Variants in GUCY2F observed in about 807,000 individuals in gnomAD.
The protein encoded by GUCY2F is retinal guanylyl cyclase 2.
GUCY2F carries 61 observed loss-of-function variants against 73.1 expected under a neutral mutation model. The ratio of observed to expected loss-of-function variants is 0.83; its 90% CI spans 0.68 to 1.03. The LOEUF is 1.03. GUCY2F is among the 50% of genes least tolerant of loss of function. The pLI is 0.00. For missense variants in GUCY2F, 912 were observed against 854.3 expected, an observed-to-expected ratio of 1.07 and a Z score of -0.84; for synonymous variants, 331 against 307.8, an observed-to-expected ratio of 1.08 and a Z score of -0.79.
intron 2 of GUCY2F, among the ~76,000 whole-genome samples, chrX:109,470,122 T>C (rs753037181): frequency 1.8e-5 from 2 of 112,053 alleles, no homozygotes; most frequent in African/African-American, 3.2e-5. Flanking sequence ...AATGTTGCCT[T>C]AACATTGCTG....
At chrX:109,470,448 A>G (rs1932551445) in intron 2 of GUCY2F, among the ~76,000 whole-genome samples, 1 of 112,072 alleles carries the variant, frequency 8.9e-6, no homozygotes, top group Non-Finnish European at 1.9e-5. Context: ...TCAGTATAGG[A>G]AAACAGGGCT....
At position 109,388,467 on chromosome X, in the gene GUCY2F, TCTTA is replaced by T; in HGVS notation, c.2956+18_2956+21del. 4.4e-6 allele frequency: 5 copies of T among 1,148,242 alleles called. No individual in the cohort carries two copies. Among genetic ancestry groups the T allele is most frequent in the Non-Finnish European group, 5.9e-6 (5 of 841,166 alleles). 94.6% of individuals were successfully genotyped at this position (1,148,242 alleles called of 1,213,427 possible). ...CCTAGAGGCGCATTAGAATGTTTCC[TCTTA>T]CTTTAACTGGTTATTACCTGAGTGA... On this transcript the variant is annotated intron_variant, in intron 15 of 19. Transcript: ENST00000218006.
chrX:109,439,435 CT>C (rs1051469840), intron 7 of GUCY2F, among the ~76,000 whole-genome samples: 3 of 110,860 alleles, frequency 2.7e-5, no homozygotes, highest in East Asian at 2.8e-4. Flanking sequence ...CCTTATCAAA[CT>C]TTTTTTTTGT....
At chrX:109,416,907 G>C (rs1387941830) in intron 8 of GUCY2F, among the ~76,000 whole-genome samples, 1 of 96,418 alleles carries the variant, frequency 1.0e-5, no homozygotes, top group African/African-American at 4.1e-5. Context: ...AATAATGGCT[G>C]ACTTCTCATC....
intron 15 of GUCY2F, among the ~76,000 whole-genome samples, chrX:109,387,006 A>G (rs997550120): frequency 2.3e-4 from 26 of 112,047 alleles, no homozygotes; most frequent in African/African-American, 7.8e-4. Flanking sequence ...AAACATGAGT[A>G]AGATATGCTT....
At chrX:109,436,994 C>CA (rs375357624) in intron 7 of GUCY2F, among the ~76,000 whole-genome samples, 3,870 of 95,719 alleles carry the variant, frequency 0.04, 111 homozygotes, top group African/African-American at 0.1. Context: ...GAAATAACAG[C>CA]AAAAAAAAAA....
At chrX:109,437,052 T>C (rs1281042153) in intron 7 of GUCY2F, among the ~76,000 whole-genome samples, 1 of 111,679 alleles carries the variant, frequency 9.0e-6, no homozygotes, top group East Asian at 2.8e-4. Flanking sequence ...GGGTCTTCTT[T>C]AAAACATTCC....
chrX:109,480,036 AGT>A (rs1932755538), intron 1 of GUCY2F, among the ~76,000 whole-genome samples: 1 of 111,712 alleles, frequency 9.0e-6, no homozygotes, highest in Non-Finnish European at 1.9e-5. Flanking sequence ...CCTGACACAT[AGT>A]AGGTGCGCAA....
At position 109,465,435 on chromosome X, in the gene GUCY2F, T is replaced by C. The variant is rs1210490674; in HGVS notation, c.739A>G (p.Met247Val). ...HQADRIRIII[M>V]CMHSALIGGE... ...CCAATCAAAGCTGAATGCATACACATGATGATTACTGAAACCAACAAAGCA... is the reference window on the plus strand; with the variant it reads ...CCAATCAAAGCTGAATGCATACACACGATGATTACTGAAACCAACAAAGCA... Residue 247 changes from methionine (M) to valine (V), a missense_variant, in exon 3 of 20, where the codon ATG becomes GTG. Transcript: ENST00000218006. 1 of 1,186,238 alleles carries C rather than the reference T, an allele frequency of 8.4e-7. No homozygotes were observed. Among genetic ancestry groups the C allele is most frequent in the East Asian group, 3.0e-5 (1 of 33,644 alleles).
At chrX:109,426,683 C>T (rs980016470) in intron 8 of GUCY2F, among the ~76,000 whole-genome samples, 1 of 112,453 alleles carries the variant, frequency 8.9e-6, no homozygotes, top group Non-Finnish European at 1.9e-5. Context: ...GCCACCACAC[C>T]CGGCCAGGTG....
chrX:109,461,051 A>G lies in GUCY2F; in HGVS notation c.1032+4091T>C, dbSNP rs996791098. On this transcript the variant is annotated intron_variant, in intron 3 of 19. Coordinates refer to ENST00000218006, the MANE Select transcript of GUCY2F (RefSeq NM_001522.3). Reference sequence around the variant, plus strand: ...TGATATTTACATAGTTACTATGTTAAAAATACTAAATATGGATTTAACTAT... The same window carrying G: ...TGATATTTACATAGTTACTATGTTAGAAATACTAAATATGGATTTAACTAT... Among the ~76,000 whole-genome samples the G allele has an allele frequency of 3.6e-5, 4 of 112,123 alleles. No homozygotes were observed. In the Admixed American group the frequency reaches 3.8e-4, roughly 11 times the overall value.
At position 109,453,668 on chromosome X, in the gene GUCY2F, G is replaced by T. The variant is rs765819769; in HGVS notation, c.1224C>A (p.Ile408=). The stretch of plus-strand genomic sequence containing the variant: ...CCCATTCTTTCAAGTTGGTGTCCAG[G>T]ATTACATATTCTGAAATTCCATTTC... ...SNGNGISEYV[I]LDTNLKEWEL... Residue 408 remains isoleucine (I), a synonymous_variant, in exon 4 of 20, where the codon ATC becomes ATA. Transcript: ENST00000218006. The T allele has an allele frequency of 1.7e-6, 2 of 1,204,603 alleles. No individual in the cohort carries two copies. The highest frequency in any genetic ancestry group is 2.2e-6 in the Non-Finnish European group (2 of 889,237).
rs756009146 is a variant in GUCY2F at position 109,474,911 on chromosome X, GA to G, written c.730+295del. On this transcript the variant is annotated intron_variant, in intron 2 of 19. Transcript: ENST00000218006. ...GCTACCAAGGTCCTAAGGGCAGAAA[GA>G]AAGGATGTATGGCTACAGTGCTCTT... Among the ~76,000 whole-genome samples, 19 of 112,313 alleles carry G rather than the reference GA, an allele frequency of 1.7e-4. 1 individual carries two copies. Among genetic ancestry groups the G allele is most frequent in the African/African-American group, 6.1e-4 (19 of 30,932 alleles).
At chrX:109,471,313 G>T (rs113256870) in intron 2 of GUCY2F, among the ~76,000 whole-genome samples, 1,629 of 112,335 alleles carry the variant, frequency 0.015, 33 homozygotes, top group African/African-American at 0.048. Context: ...CAGCAAGAAG[G>T]CGAGGAGAAG....
In GUCY2F at chrX:109,419,874, GA is replaced by G. The variant is rs770280062; in HGVS notation, c.1791+10432del. 7.5e-3 allele frequency among the ~76,000 whole-genome samples: 801 copies of G among 106,917 alleles called. 8 individuals carry two copies. The highest frequency in any genetic ancestry group is 0.025 in the African/African-American group (747 of 29,587). The allele number at this position is 106,917 out of a possible 115,157, so 92.8% of individuals were successfully genotyped here. A position where few individuals can be genotyped will look rare whatever the true frequency, so the allele number is the denominator to read the frequency against. On this transcript the variant is annotated intron_variant, in intron 8 of 19. Transcript: ENST00000218006. The stretch of plus-strand genomic sequence containing the variant: ...AATTTACAATGTCCAAAACAATCTT[GA>G]AAAAAAAAGTTAGAGGCTTACACCA...
chrX:109,438,188 T>A (rs1931795419), intron 7 of GUCY2F, among the ~76,000 whole-genome samples: 1 of 112,153 alleles, frequency 8.9e-6, no homozygotes, highest in African/African-American at 3.2e-5. Flanking sequence ...TACCAGCAGG[T>A]ATGGTGGTCT....
chrX:109,423,571 T>C (rs1042570563), intron 8 of GUCY2F, among the ~76,000 whole-genome samples: 8 of 107,033 alleles, frequency 7.5e-5, no homozygotes, highest in Non-Finnish European at 1.5e-4. Flanking sequence ...ATATGTTTCT[T>C]CTTTTCCTTT....
At chrX:109,454,654 A>G (rs1932219286) in intron 3 of GUCY2F, among the ~76,000 whole-genome samples, 1 of 112,311 alleles carries the variant, frequency 8.9e-6, no homozygotes, top group East Asian at 2.8e-4. Flanking sequence ...TTTGTATACT[A>G]TGCCCAGATG....
At chrX:109,440,853 T>A (rs1252470121) in intron 7 of GUCY2F, among the ~76,000 whole-genome samples, 1 of 112,058 alleles carries the variant, frequency 8.9e-6, no homozygotes, top group Non-Finnish European at 1.9e-5. Context: ...AAGTAACCTG[T>A]TACTCCAAGA....
Sources: allele counts gnomAD v4.1 joint callset (sites outside exome capture counted in the v4.1 genomes callset), GRCh38; gene constraint gnomAD v4.1.1; transcripts MANE v1.5; gene names NCBI Gene and HGNC (gene_info 2026-07-23, HGNC 2026-07-21).